Variants in RSU1 observed in about 807,000 individuals in gnomAD.
RSU1 encodes rsu-1.
Under a neutral mutation model 31.1 loss-of-function variants are expected in RSU1, and 26 were observed. The observed-to-expected ratio is 0.84, with a 90% CI of 0.61 to 1.16. RSU1 has a LOEUF of 1.16. Among genes scored for constraint, RSU1 ranks in the 50% most tolerant of loss-of-function variants. RSU1 has a pLI of 0.00. For synonymous variants in RSU1, 164 were observed against 136.3 expected, an observed-to-expected ratio of 1.20 and a Z score of -1.41; for missense variants, 320 against 339.1, an observed-to-expected ratio of 0.94 and a Z score of 0.44.
chr10:16,623,780 C>T (rs543781199), intron 8 of RSU1, among the ~76,000 whole-genome samples: 22 of 152,232 alleles, frequency 1.4e-4, no homozygotes, highest in South Asian at 4.1e-4. Context: ...TTAGTGCTGT[C>T]GAGTATTTTT....
chr10:16,729,763 C>T (rs765436262), intron 7 of RSU1, among the ~76,000 whole-genome samples: 27 of 152,272 alleles, frequency 1.8e-4, no homozygotes, highest in Non-Finnish European at 3.7e-4. Flanking sequence ...GTGATCATCC[C>T]GCCCTCTCCT....
intron 8 of RSU1, 135 bp from the exon 9 acceptor site, chr10:16,593,631 T>A (rs1833552686): frequency 1.4e-6 from 1 of 700,656 alleles, no homozygotes; most frequent in Admixed American, 2.4e-5. Context: ...ATCACTTCTG[T>A]GTTCTCTGGG....
intron 8 of RSU1, among the ~76,000 whole-genome samples, chr10:16,634,118 A>C (rs1405568013): frequency 6.6e-6 from 1 of 152,222 alleles, no homozygotes; most frequent in East Asian, 1.9e-4. Flanking sequence ...GCAGTGCTGA[A>C]GTTTGGGAAC....
chr10:16,812,001 C>T (rs1838419391), intron 2 of RSU1, among the ~76,000 whole-genome samples: 1 of 152,172 alleles, frequency 6.6e-6, no homozygotes, highest in Admixed American at 6.5e-5. Flanking sequence ...ATAGTTAAGT[C>T]CTTCCTTCTT....
intron 8 of RSU1, among the ~76,000 whole-genome samples, chr10:16,630,324 G>C (rs1014268665): frequency 7.2e-5 from 11 of 152,336 alleles, no homozygotes; most frequent in Non-Finnish European, 1.0e-4. Context: ...AAAATGATTA[G>C]GAAGTTTCCA....
intron 3 of RSU1, among the ~76,000 whole-genome samples, chr10:16,778,298 A>G (rs568626598): frequency 6.6e-6 from 1 of 152,238 alleles, no homozygotes; most frequent in Non-Finnish European, 1.5e-5. Context: ...TGGCAGCCAC[A>G]TCTACTCAAG....
intron 8 of RSU1, among the ~76,000 whole-genome samples, chr10:16,650,597 T>G (rs12262936): frequency 9.2e-6 from 1 of 109,182 alleles, no homozygotes; most frequent in African/African-American, 3.3e-5. Context: ...TTTTTTTTTG[T>G]GAGACAGAAT....
intron 2 of RSU1, among the ~76,000 whole-genome samples, chr10:16,793,287 T>C (rs866509845): frequency 1.3e-5 from 2 of 152,134 alleles, no homozygotes; most frequent in Non-Finnish European, 2.9e-5. Context: ...TTCTACTATT[T>C]ATAGATAAAG....
At chr10:16,813,062 C>A (rs905775856) in intron 2 of RSU1, among the ~76,000 whole-genome samples, 1 of 151,552 alleles carries the variant, frequency 6.6e-6, no homozygotes, top group Admixed American at 6.6e-5. Context: ...AACTCAAACT[C>A]CTGGGTTCCA....
intron 8 of RSU1, among the ~76,000 whole-genome samples, chr10:16,637,669 T>C (rs995542571): frequency 1.3e-4 from 20 of 152,086 alleles, no homozygotes; most frequent in Middle Eastern, 3.2e-3. Flanking sequence ...CAGATAATCA[T>C]AGGGCCCCAT....
intron 8 of RSU1, among the ~76,000 whole-genome samples, chr10:16,662,799 T>G (rs1191437712): frequency 6.6e-6 from 1 of 152,192 alleles, no homozygotes; most frequent in African/African-American, 2.4e-5. Context: ...AAAATCGGGT[T>G]ATTTTTCTCC....
At chr10:16,740,121 C>T (rs1339820039) in intron 7 of RSU1, among the ~76,000 whole-genome samples, 2 of 152,010 alleles carry the variant, frequency 1.3e-5, no homozygotes, top group Non-Finnish European at 2.9e-5. Context: ...CTCGATAGTC[C>T]TGAAACAAAA....
At chr10:16,722,410 T>C (rs1224513441) in intron 7 of RSU1, among the ~76,000 whole-genome samples, 2 of 152,180 alleles carry the variant, frequency 1.3e-5, no homozygotes, top group Non-Finnish European at 2.9e-5. Flanking sequence ...GGCTTCTAGC[T>C]GGTGGATGTA....
intron 8 of RSU1, among the ~76,000 whole-genome samples, chr10:16,672,592 T>C (rs1023916433): frequency 2.0e-5 from 3 of 150,126 alleles, no homozygotes; most frequent in Non-Finnish European, 3.0e-5. Flanking sequence ...AAAATACTTA[T>C]GCTGAATGAA....
intron 8 of RSU1, among the ~76,000 whole-genome samples, chr10:16,643,899 T>C (rs1834489510): frequency 6.6e-6 from 1 of 151,244 alleles, no homozygotes; most frequent in African/African-American, 2.5e-5. Context: ...AGATTTTTTT[T>C]TTTAAAAAAA....
At position 16,759,863 on chromosome 10, in the gene RSU1, G is replaced by A. The variant is rs562395662; in HGVS notation, c.281+4527C>T. On this transcript the variant is annotated intron_variant, in intron 4 of 8. Coordinates refer to ENST00000345264, the MANE Select transcript of RSU1 (RefSeq NM_012425.4). ...AAACTGTAAATACTATAAAAACTTT[G>A]AAAGCAAATTCTGATGGATCACACA... 3.0e-5 allele frequency among the ~76,000 whole-genome samples: 4 copies of A among 132,586 alleles called. No individual in the cohort carries two copies. The South Asian group carries it at 9.3e-4, about 31-fold the overall frequency. 87.0% of individuals were successfully genotyped at this position (132,586 alleles called of 152,430 possible).
intron 7 of RSU1, among the ~76,000 whole-genome samples, chr10:16,699,553 C>T (rs933022780): frequency 3.3e-5 from 5 of 152,252 alleles, no homozygotes; most frequent in African/African-American, 1.2e-4. Context: ...TGCAATCGCT[C>T]TGACGCCACA....
chr10:16,665,863 A>T (rs1417421141), intron 8 of RSU1, among the ~76,000 whole-genome samples: 1 of 152,238 alleles, frequency 6.6e-6, no homozygotes, highest in East Asian at 1.9e-4. Flanking sequence ...GGACAAAGGA[A>T]CAAGGACTCA....
intron 7 of RSU1, among the ~76,000 whole-genome samples, chr10:16,725,021 T>C (rs1836356657): frequency 6.6e-6 from 1 of 152,220 alleles, no homozygotes; most frequent in South Asian, 2.1e-4. Context: ...GAGGAAGGCC[T>C]GCCTAATGAC....
Sources: gnomAD v4.1 joint callset for allele counts (sites outside exome capture counted in the v4.1 genomes callset) on GRCh38, gnomAD v4.1.1 for gene constraint, MANE v1.5 for transcripts, NCBI Gene and HGNC (gene_info 2026-07-23, HGNC 2026-07-21) for gene names.